Variants in GPR39 observed in about 807,000 individuals in gnomAD.
GPR39 encodes zinc sensing receptor.
A neutral mutation model predicts 18.4 loss-of-function variants in GPR39; 23 were observed. The ratio of observed to expected loss-of-function variants is 1.25; its 90% CI spans 0.90 to 1.77. The LOEUF is 1.77. GPR39 is among the 40% of genes most tolerant of loss of function. GPR39 has a pLI of 0.00. For synonymous variants in GPR39, 280 were observed against 257.9 expected, an observed-to-expected ratio of 1.09 and a Z score of -0.82; for missense variants, 647 against 602.4, an observed-to-expected ratio of 1.07 and a Z score of -0.78.
chr2:132,452,142 T>C (rs1335677961), intron 1 of GPR39, among the ~76,000 whole-genome samples: 1 of 152,204 alleles, frequency 6.6e-6, no homozygotes, highest in Non-Finnish European at 1.5e-5. Context: ...AATGGTAAAG[T>C]CTGAGGCCAA....
At chr2:132,641,014 C>A (rs1357157647) in intron 1 of GPR39, among the ~76,000 whole-genome samples, 1 of 152,178 alleles carries the variant, frequency 6.6e-6, no homozygotes, top group East Asian at 1.9e-4. Flanking sequence ...ATGCCTAATG[C>A]TCCATTTTCC....
intron 1 of GPR39, among the ~76,000 whole-genome samples, chr2:132,608,115 C>T (rs1681173633): frequency 6.6e-6 from 1 of 152,136 alleles, no homozygotes; most frequent in Non-Finnish European, 1.5e-5. Context: ...GAAAAAAATA[C>T]CCAACTCTTA....
chr2:132,631,277 C>A (rs1025140231), intron 1 of GPR39, among the ~76,000 whole-genome samples: 2 of 152,204 alleles, frequency 1.3e-5, no homozygotes, highest in Non-Finnish European at 2.9e-5. Context: ...TACTGCTGCA[C>A]TTGGATGGGA....
chr2:132,503,741 A>G (rs1449067612), intron 1 of GPR39, among the ~76,000 whole-genome samples: 4 of 152,052 alleles, frequency 2.6e-5, no homozygotes, highest in Admixed American at 2.6e-4. Flanking sequence ...GGCATTTCTG[A>G]GCTTAGCCCC....
chr2:132,438,072 A>T (rs549335898), intron 1 of GPR39, among the ~76,000 whole-genome samples: 1 of 152,204 alleles, frequency 6.6e-6, no homozygotes, highest in Non-Finnish European at 1.5e-5. Flanking sequence ...CAGGGAAGGG[A>T]CGGAGTGTTG....
chr2:132,585,952 T>TTTTTTG (rs1680719730), intron 1 of GPR39, among the ~76,000 whole-genome samples: 1 of 135,822 alleles, frequency 7.4e-6, no homozygotes, highest in Admixed American at 7.3e-5. Context: ...TCCCCGGTTT[T>TTTTTTG]TTTTTTTTTT....
intron 1 of GPR39, among the ~76,000 whole-genome samples, chr2:132,552,292 G>A (rs989495276): frequency 2.0e-5 from 3 of 152,138 alleles, no homozygotes; most frequent in East Asian, 3.9e-4. Context: ...TCATGGGGGC[G>A]GATCCCTCAT....
chr2:132,574,615 A>G (rs1342063737), intron 1 of GPR39, among the ~76,000 whole-genome samples: 3 of 152,126 alleles, frequency 2.0e-5, no homozygotes, highest in Non-Finnish European at 4.4e-5. Context: ...TGTACCTGTA[A>G]TCCCAGCTAC....
At chr2:132,427,677 T>C (rs1333436141) in intron 1 of GPR39, among the ~76,000 whole-genome samples, 1 of 150,472 alleles carries the variant, frequency 6.6e-6, no homozygotes, top group East Asian at 2.0e-4. Flanking sequence ...TCTTTTTGTT[T>C]TTTCAGTTAC....
At chr2:132,500,361 G>A (rs1203091392) in intron 1 of GPR39, among the ~76,000 whole-genome samples, 2 of 152,102 alleles carry the variant, frequency 1.3e-5, no homozygotes, top group Non-Finnish European at 2.9e-5. Flanking sequence ...TTTTAATTCT[G>A]TTTATGTGGT....
intron 1 of GPR39, among the ~76,000 whole-genome samples, chr2:132,638,398 C>T (rs1333536673): frequency 6.6e-6 from 1 of 152,224 alleles, no homozygotes; most frequent in Non-Finnish European, 1.5e-5. Flanking sequence ...CTTGTGTGAG[C>T]AGCAGAGTCA....
chr2:132,618,811 G>A (rs533440123), intron 1 of GPR39, among the ~76,000 whole-genome samples: 1 of 152,358 alleles, frequency 6.6e-6, no homozygotes, highest in East Asian at 1.9e-4. Flanking sequence ...CCAGGCTGCT[G>A]GCCTGTGGTT....
chr2:132,513,168 A>T (rs541405657), intron 1 of GPR39, among the ~76,000 whole-genome samples: 1 of 152,326 alleles, frequency 6.6e-6, no homozygotes, highest in Admixed American at 6.5e-5. Context: ...TGACCATTCC[A>T]AAAGTCCCAG....
At chr2:132,581,853 A>G (rs1680629234) in intron 1 of GPR39, among the ~76,000 whole-genome samples, 1 of 152,232 alleles carries the variant, frequency 6.6e-6, no homozygotes, top group African/African-American at 2.4e-5. Flanking sequence ...GATTCATTTT[A>G]TAACTAGTTA....
intron 1 of GPR39, among the ~76,000 whole-genome samples, chr2:132,547,712 A>G (rs1381924471): frequency 2.6e-5 from 4 of 152,200 alleles, no homozygotes; most frequent in Non-Finnish European, 5.9e-5. Flanking sequence ...TAGGACACCC[A>G]CACACCAAGT....
intron 1 of GPR39, among the ~76,000 whole-genome samples, chr2:132,463,215 A>G (rs1485972358): frequency 3.3e-5 from 5 of 152,206 alleles, no homozygotes; most frequent in Admixed American, 2.0e-4. Context: ...TATGACTGGC[A>G]AAGAGTGCTC....
chr2:132,622,663 C>A (rs1397651945), intron 1 of GPR39, among the ~76,000 whole-genome samples: 1 of 152,182 alleles, frequency 6.6e-6, no homozygotes, highest in Non-Finnish European at 1.5e-5. Flanking sequence ...TTTAGGGATT[C>A]TTTTTGTGGC....
At chr2:132,607,113 G>C (rs1292411742) in intron 1 of GPR39, among the ~76,000 whole-genome samples, 1 of 152,222 alleles carries the variant, frequency 6.6e-6, no homozygotes, top group African/African-American at 2.4e-5. Context: ...AGAATGAAAA[G>C]GAAGCAGGGA....
chr2:132,582,918 T>TC (rs199601283), intron 1 of GPR39, among the ~76,000 whole-genome samples: 25 of 33,868 alleles, frequency 7.4e-4, no homozygotes, highest in South Asian at 1.4e-3. Flanking sequence ...TTTCTTTCTT[T>TC]TTTTTTTTTT....
Sources: gnomAD v4.1 joint callset for allele counts (sites outside exome capture counted in the v4.1 genomes callset) on GRCh38, gnomAD v4.1.1 for gene constraint, MANE v1.5 for transcripts, NCBI Gene and HGNC (gene_info 2026-07-23, HGNC 2026-07-21) for gene names.